The following AK3 variants were observed in gnomAD, a reference collection of about 807,000 sequenced individuals.
AK3 encodes the protein adenylate kinase 3.
AK3 carries 27 observed loss-of-function variants against 23.7 expected under a neutral mutation model. The ratio of observed to expected loss-of-function variants is 1.14; its 90% CI spans 0.84 to 1.57. AK3 has a LOEUF of 1.57. Ranked by LOEUF, AK3 falls within the 40% of genes most tolerant of loss-of-function variation. The pLI is 0.00. For missense variants in AK3, 406 were observed against 285.6 expected (o/e 1.42, Z -3.04); for synonymous variants, 159 against 116.0 (o/e 1.37, Z -2.38).
In AK3 at chr9:4,719,153, G is replaced by C; in HGVS notation, c.426C>G (p.Phe142Leu). 8.7e-6 allele frequency: 14 copies of C among 1,611,868 alleles called. No individual in the cohort carries two copies. Among genetic ancestry groups the C allele is most frequent in the Non-Finnish European group, 1.2e-5 (14 of 1,179,818 alleles). ...TACTCACCACAGTTTTGGGAGGGTT[G>C]AATTCAATGTTATAGACTCGGCCAC... ...PASGRVYNIE[F>L]NPPKTVGIDD... Residue 142 changes from phenylalanine (F) to leucine (L), a missense_variant, in exon 3 of 5, where the codon TTC becomes TTG. Coordinates refer to ENST00000381809, the MANE Select transcript of AK3 (RefSeq NM_016282.4).
intron 2 of AK3, among the ~76,000 whole-genome samples, chr9:4,720,753 T>C (rs898872184): frequency 6.6e-6 from 1 of 151,228 alleles, no homozygotes; most frequent in African/African-American, 2.4e-5. Context: ...AAAAATATCA[T>C]CTGAAAAATT....
rs557790567 is a variant in AK3, at chr9:4,710,027, T to C, written c.*2949A>G. 1.3e-5 allele frequency: 2 copies of C among 152,202 alleles called. No homozygotes were observed. Among genetic ancestry groups the C allele is most frequent in the Non-Finnish European group, 2.9e-5 (2 of 68,028 alleles). 9.4% of individuals were successfully genotyped at this position (152,202 alleles called of 1,614,324 possible). On this transcript the variant is annotated 3_prime_UTR_variant, in exon 5 of 5. Coordinates refer to ENST00000381809, the MANE Select transcript of AK3 (RefSeq NM_016282.4). ...CCATTATATATAGCTGGGGGAAAAG[T>C]AGCCATAGGGTGGGGTTTAGAGATT...
At chr9:4,727,082 C>T (rs933002464) in intron 1 of AK3, among the ~76,000 whole-genome samples, 1 of 152,116 alleles carries the variant, frequency 6.6e-6, no homozygotes, top group Non-Finnish European at 1.5e-5. Flanking sequence ...TGCTATAAAC[C>T]GATGTGCTGT....
chr9:4,727,575 T>A (rs747006864), intron 1 of AK3, among the ~76,000 whole-genome samples: 16 of 152,320 alleles, frequency 1.1e-4, no homozygotes, highest in Non-Finnish European at 2.2e-4. Flanking sequence ...GGCTTTGGCT[T>A]AATGGATGAT....
At chr9:4,738,458 G>A (rs554275325) in intron 1 of AK3, among the ~76,000 whole-genome samples, 57 of 152,210 alleles carry the variant, frequency 3.7e-4, no homozygotes, top group Admixed American at 8.5e-4. Flanking sequence ...GAGACACCCC[G>A]CCCAGCTTAA....
chr9:4,733,839 G>T (rs144447918), intron 1 of AK3, among the ~76,000 whole-genome samples: 292 of 152,206 alleles, frequency 1.9e-3, no homozygotes, highest in African/African-American at 6.6e-3. Flanking sequence ...TACTCAAGCC[G>T]CATGGTAAGC....
chr9:4,733,462 G>T (rs1291842621), intron 1 of AK3, among the ~76,000 whole-genome samples: 1 of 152,102 alleles, frequency 6.6e-6, no homozygotes, highest in Non-Finnish European at 1.5e-5. Flanking sequence ...TCTGGTGATG[G>T]GTAAATCATG....
In AK3 at chr9:4,718,420, G is replaced by A. The variant is rs1227976548; in HGVS notation, c.562C>T (p.Gln188Ter). The change falls in exon 4 of 5, where the codon CAG becomes TAG. Residue 188 changes from glutamine to a stop codon, truncating the protein, a stop_gained and splice_region_variant. Transcript: ENST00000381809. LOFTEE classifies it high-confidence loss of function. ...AAGTTCTGAAAAGCAAAAACTCACT[G>A]GTAATATTCCAGGACTGGCTTTGTT... ...DQTKPVLEYY[Q>*]KKGVLETFSG... 4 of 1,609,920 alleles carry A rather than the reference G, an allele frequency of 2.5e-6. No homozygotes were observed. The African/African-American group carries it at 5.3e-5, about 22-fold the overall frequency.
chr9:4,713,169 C>A lies in AK3; in HGVS notation c.564-73G>T. 3 of 1,557,116 alleles carry A rather than the reference C, an allele frequency of 1.9e-6. No homozygotes were observed. The South Asian group carries it at 3.6e-5, about 19-fold the overall frequency. On this transcript the variant is annotated intron_variant, in intron 4 of 4. Coordinates refer to ENST00000381809, the MANE Select transcript of AK3 (RefSeq NM_016282.4). ...CCTAATAAGCTCTTTCAAAGCCTTT[C>A]TGTAAATAATGATATTGTAGATATA... is the stretch of plus-strand genomic sequence containing the variant.
chr9:4,737,494 T>C (rs540285382), intron 1 of AK3, among the ~76,000 whole-genome samples: 270 of 152,308 alleles, frequency 1.8e-3, no homozygotes, highest in Middle Eastern at 6.8e-3. Flanking sequence ...GCCAAGGCGG[T>C]TGGATCACCT....
chr9:4,725,217 T>TTTCA (rs1188099338), intron 1 of AK3, among the ~76,000 whole-genome samples: 2 of 151,266 alleles, frequency 1.3e-5, no homozygotes, highest in East Asian at 3.9e-4. Context: ...AGAGACAGGG[T>TTTCA]TTCACCATGT....
At chr9:4,740,252 C>G (rs1379428663) in intron 1 of AK3, among the ~76,000 whole-genome samples, 2 of 152,136 alleles carry the variant, frequency 1.3e-5, no homozygotes, top group African/African-American at 4.8e-5. Context: ...TTACATACCA[C>G]AAATTCACCC....
chr9:4,729,934 T>A (rs1172411029), intron 1 of AK3, among the ~76,000 whole-genome samples: 2 of 152,026 alleles, frequency 1.3e-5, no homozygotes, highest in East Asian at 3.8e-4. Flanking sequence ...AAGTCAAATG[T>A]CCATCAACTG....
At chr9:4,717,561 G>C (rs1022244376) in intron 4 of AK3, among the ~76,000 whole-genome samples, 3 of 152,094 alleles carry the variant, frequency 2.0e-5, no homozygotes, top group Non-Finnish European at 2.9e-5. Context: ...CTCCCCTACC[G>C]ACAATCCCCA....
At chr9:4,720,266 A>C (rs142894225) in intron 2 of AK3, among the ~76,000 whole-genome samples, 1 of 152,224 alleles carries the variant, frequency 6.6e-6, no homozygotes. Context: ...ACCCAAGTAT[A>C]TTAGGGAATT....
At chr9:4,738,939 T>C (rs902020672) in intron 1 of AK3, among the ~76,000 whole-genome samples, 4 of 151,828 alleles carry the variant, frequency 2.6e-5, no homozygotes, top group Admixed American at 2.0e-4. Flanking sequence ...GCCCAGCTAA[T>C]TTTTTGTATT....
intron 1 of AK3, among the ~76,000 whole-genome samples, chr9:4,733,436 A>G (rs973760699): frequency 6.6e-6 from 1 of 152,202 alleles, no homozygotes. Context: ...GAGGGCCCCC[A>G]AAGTCCTTGT....
intron 2 of AK3, among the ~76,000 whole-genome samples, chr9:4,720,596 A>G (rs1841869387): frequency 6.6e-6 from 1 of 151,760 alleles, no homozygotes; most frequent in Non-Finnish European, 1.5e-5. Flanking sequence ...AGGCTGAGGC[A>G]GGAGGATTGC....
chr9:4,738,620 AAG>A (rs1842350678), intron 1 of AK3, among the ~76,000 whole-genome samples: 4 of 151,998 alleles, frequency 2.6e-5, no homozygotes. Context: ...AAGAAAAAAA[AAG>A]AATAAAAGAA....
Sources: gnomAD v4.1 joint callset for allele counts (sites outside exome capture counted in the v4.1 genomes callset) on GRCh38, gnomAD v4.1.1 for gene constraint, MANE v1.5 for transcripts, NCBI Gene and HGNC (gene_info 2026-07-23, HGNC 2026-07-21) for gene names.